MEIOC: variants seen among roughly 807,000 people sequenced by gnomAD.
MEIOC encodes the protein meiosis specific with coiled-coil domain.
In MEIOC, 9 loss-of-function variants were observed where a neutral mutation model predicts 85.3. The ratio of observed to expected loss-of-function variants is 0.11; its 90% CI spans 0.06 to 0.18. MEIOC has a LOEUF of 0.18. MEIOC is among the 10% of genes least tolerant of loss of function. The pLI is 1.00. For synonymous variants in MEIOC, 365 were observed against 393.7 expected, an observed-to-expected ratio of 0.93 and a Z score of 0.86; for missense variants, 898 against 1,129.4, an observed-to-expected ratio of 0.80 and a Z score of 2.94.
chr17:44,662,405 C>G lies in MEIOC; in HGVS notation c.293C>G (p.Ala98Gly). ...SSSVDSSLFC[A>G]PWSTYGDDIK... ...TCTGTAGATTCTTCACTTTTCTGTG[C>G]ACCATGGTCTACTTATGGAGATGAC... The change falls in exon 3 of 8, where the codon GCA (alanine) becomes GGA (glycine). Residue 98 changes from alanine (A) to glycine (G), a missense_variant. Transcript: ENST00000409122. The G allele has an allele frequency of 2.6e-6, 4 of 1,549,018 alleles. No homozygotes were observed. The highest frequency in any genetic ancestry group is 3.5e-6 in the Non-Finnish European group (4 of 1,144,712).
downstream of MEIOC, chr17:44,676,294 C>A (rs886306177): frequency 1.3e-5 from 2 of 152,130 alleles, no homozygotes; most frequent in African/African-American, 4.8e-5. Flanking sequence ...AAAACTTTTA[C>A]AAAATTTGCA....
chr17:44,672,074 G>A (rs546557154), intron 6 of MEIOC, among the ~76,000 whole-genome samples: 117 of 152,080 alleles, frequency 7.7e-4, no homozygotes, highest in Non-Finnish European at 1.3e-3. Flanking sequence ...TCTGCCTCGC[G>A]GGTTCAAGCG....
At chr17:44,668,588 T>A (rs1971948680) in intron 5 of MEIOC, among the ~76,000 whole-genome samples, 1 of 152,178 alleles carries the variant, frequency 6.6e-6, no homozygotes, top group South Asian at 2.1e-4. Context: ...CACCTTGATG[T>A]CCCAAGTGTT....
chr17:44,665,226 G>A, intron 3 of MEIOC, 158 bp from the exon 4 acceptor site: 1 of 962,582 alleles, frequency 1.0e-6, no homozygotes, highest in Non-Finnish European at 1.3e-6. Context: ...AAATATTTAT[G>A]TAGAAAAGAA....
rs1568132598 is a variant in MEIOC at position 44,662,345 on chromosome 17, C to G, written c.233C>G (p.Thr78Ser). Residue 78 changes from threonine to serine, a missense_variant, in exon 3 of 8, where the codon ACC (threonine) becomes AGC (serine). Physicochemically the swap from Thr to Ser is moderately conservative, Grantham distance 58. This residue lies in a region of MEIOC where 734 missense variants were observed against 860.1 expected (regional missense o/e 0.85). Coordinates refer to ENST00000409122, the MANE Select transcript of MEIOC (RefSeq NM_001145080.3). Reference sequence around the variant, plus strand: ...GAAGACAATGTAGACCTAAGGCAGACCTATACTCCATTTTCTTCAACAGAA... The same window carrying G: ...GAAGACAATGTAGACCTAAGGCAGAGCTATACTCCATTTTCTTCAACAGAA... ...QSEDNVDLRQ[T>S]YTPFSSTEYS... is the part of the protein sequence containing the mutation. The G allele has an allele frequency of 4.5e-6, 7 of 1,549,562 alleles. No individual in the cohort carries two copies. The highest frequency in any genetic ancestry group is 2.0e-5 in the Admixed American group (1 of 50,596).
intron 2 of MEIOC, among the ~76,000 whole-genome samples, chr17:44,657,674 C>T (rs919082220): frequency 1.6e-4 from 24 of 151,454 alleles, no homozygotes; most frequent in Non-Finnish European, 3.5e-4. Context: ...CTGCCTCAGC[C>T]TCCGGAGTAG....
rs1353407802 is a variant in MEIOC at position 44,656,567 on chromosome 17, G to A, written c.-47G>A. The A allele has an allele frequency of 5.1e-6, 7 of 1,363,156 alleles. No homozygotes were observed. The highest frequency in any genetic ancestry group is 4.6e-5 in the African/African-American group (3 of 65,124). The allele number at this position is 1,363,156 out of a possible 1,614,324, so 84.4% of individuals were successfully genotyped here. A position where few individuals can be genotyped will look rare whatever the true frequency, so the allele number is the denominator to read the frequency against. On this transcript the variant is annotated 5_prime_UTR_variant, in exon 1 of 8. Coordinates refer to ENST00000409122, the MANE Select transcript of MEIOC (RefSeq NM_001145080.3). ...CCTGGACGCCCCCCCCATCACCCCC[G>A]TACCCCAGGAGCTGTGCCTAGTCCA...
intron 2 of MEIOC, among the ~76,000 whole-genome samples, chr17:44,661,988 C>T (rs529493923): frequency 3.9e-5 from 6 of 152,058 alleles, no homozygotes; most frequent in Non-Finnish European, 8.8e-5. Flanking sequence ...CAGAGCTGCC[C>T]GATACCTGTT....
intron 7 of MEIOC, 183 bp downstream of exon 7, chr17:44,673,729 A>T: frequency 1.4e-6 from 1 of 735,458 alleles, no homozygotes; most frequent in Non-Finnish European, 2.2e-6. Context: ...TTTGTCTGTT[A>T]TAACTGTTTC....
Position 44,674,984 on chromosome 17 carries a change from A to C in MEIOC, c.*788A>C, listed in dbSNP as rs1270049013. On this transcript the variant is annotated 3_prime_UTR_variant, in exon 8 of 8. Transcript: ENST00000409122. The stretch of plus-strand genomic sequence containing the variant: ...AACATTCCCTTTATCTGGATCTTTT[A>C]GACTTGATGCACAGTAACTGAAATA... 3.1e-6 allele frequency: 3 copies of C among 982,972 alleles called. No individual in the cohort carries two copies. Among genetic ancestry groups the C allele is most frequent in the African/African-American group, 3.5e-5 (2 of 57,192 alleles). 60.9% of individuals were successfully genotyped at this position (982,972 alleles called of 1,614,324 possible).
At chr17:44,656,948 G>C (rs8065760) in intron 1 of MEIOC, among the ~76,000 whole-genome samples, 179 bp from the exon 2 acceptor site, 72,989 of 151,704 alleles carry the variant, frequency 0.48, 18,257 homozygotes, top group African/African-American at 0.62. Flanking sequence ...TCAGCACTCA[G>C]GGGGCCCGAG....
intron 2 of MEIOC, 97 bp downstream of exon 2, chr17:44,657,358 G>T: frequency 3.9e-6 from 4 of 1,015,142 alleles, no homozygotes; most frequent in Non-Finnish European, 4.2e-6. Flanking sequence ...CACAGTTAAG[G>T]AAGAGAAAAC....
chr17:44,675,234 C>T lies in MEIOC; in HGVS notation c.*1038C>T, dbSNP rs1023026061. ...TTGCAATTGGTTAGCCTATATTTTG[C>T]GTAGTTGTGTTCATTAGTTTGCTTC... On this transcript the variant is annotated 3_prime_UTR_variant, in exon 8 of 8. Coordinates refer to ENST00000409122, the MANE Select transcript of MEIOC (RefSeq NM_001145080.3). 5 of 984,594 alleles carry T rather than the reference C, an allele frequency of 5.1e-6. No homozygotes were observed. The highest frequency in any genetic ancestry group is 6.0e-6 in the Non-Finnish European group (5 of 829,454). The allele number at this position is 984,594 out of a possible 1,614,324, so 61.0% of individuals were successfully genotyped here.
chr17:44,676,768 G>A (rs1252803712), downstream of MEIOC, among the ~76,000 whole-genome samples: 9 of 152,130 alleles, frequency 5.9e-5, no homozygotes, highest in Non-Finnish European at 1.2e-4. Context: ...GTTGCAGTGA[G>A]CCAACATGGC....
At chr17:44,658,769 G>C (rs1325388892) in intron 2 of MEIOC, among the ~76,000 whole-genome samples, 18 of 148,892 alleles carry the variant, frequency 1.2e-4, no homozygotes, top group Admixed American at 1.2e-3. Context: ...CTCCAGCCTG[G>C]GTGACAGAGT....
chr17:44,667,063 G>C lies in MEIOC; in HGVS notation c.1152G>C (p.Glu384Asp), dbSNP rs1971916910. 1 of 1,613,622 alleles carries C rather than the reference G, an allele frequency of 6.2e-7. No individual in the cohort carries two copies. The highest frequency in any genetic ancestry group is 1.3e-5 in the African/African-American group (1 of 74,898). Residue 384 changes from glutamate to aspartate, a missense_variant, in exon 5 of 8, where the codon GAG becomes GAC. Transcript: ENST00000409122. The stretch of plus-strand genomic sequence containing the variant: ...CAGCGAATCAGAAAAAAATGGAGGA[G>C]ACAATCCCTGATCAGCAGAATTTCA... ...VKPANQKKME[E>D]TIPDQQNFTF...
At chr17:44,666,277 G>T in intron 4 of MEIOC, 99 bp from the exon 5 acceptor site, 1 of 989,754 alleles carries the variant, frequency 1.0e-6, no homozygotes, top group Non-Finnish European at 1.5e-6. Context: ...GGTGACATGG[G>T]GCAAGATAAA....
chr17:44,669,571 A>G, intron 6 of MEIOC, 54 bp downstream of exon 6: 2 of 1,540,008 alleles, frequency 1.3e-6, no homozygotes, highest in Middle Eastern at 3.4e-4. Flanking sequence ...ATTTTTTTTA[A>G]GTTTCAGGCC....
At position 44,666,904 on chromosome 17, in the gene MEIOC, T is replaced by C; in HGVS notation, c.993T>C (p.Tyr331=). 6.2e-7 allele frequency: 1 copy of C among 1,609,660 alleles called. No homozygotes were observed. Among genetic ancestry groups the C allele is most frequent in the Non-Finnish European group, 8.5e-7 (1 of 1,177,524 alleles). The change falls in exon 5 of 8, where the codon TAT becomes TAC. Residue 331 remains tyrosine, a synonymous_variant. Coordinates refer to ENST00000409122, the MANE Select transcript of MEIOC (RefSeq NM_001145080.3). ...ENVDYCRYPE[Y]VHPNKAKLNK... ...TAGATTATTGTAGATACCCAGAGTA[T>C]GTTCATCCTAATAAGGCTAAGCTTA...
Sources: allele counts gnomAD v4.1 joint callset (sites outside exome capture counted in the v4.1 genomes callset), GRCh38; gene constraint gnomAD v4.1.1; regional missense constraint gnomAD v4.1.1; transcripts MANE v1.5; gene names NCBI Gene and HGNC (gene_info 2026-07-23, HGNC 2026-07-21).